Variants in PPP5C observed in about 807,000 individuals in gnomAD.
PPP5C encodes serine/threonine-protein phosphatase 5.
PPP5C carries 21 observed loss-of-function variants against 66.7 expected under a neutral mutation model. The observed-to-expected ratio is 0.31, with a 90% CI of 0.22 to 0.45. The LOEUF (loss-of-function observed/expected upper bound fraction) is 0.45. PPP5C is among the 20% of genes least tolerant of loss of function. PPP5C has a pLI of 1.00. For missense variants in PPP5C, 464 were observed against 675.9 expected, an observed-to-expected ratio of 0.69 and a Z score of 3.48; for synonymous variants, 246 against 257.4, an observed-to-expected ratio of 0.96 and a Z score of 0.43.
intron 4 of PPP5C, chr19:46,382,972 C>T (rs543087697): frequency 8.9e-5 from 96 of 1,072,990 alleles, no homozygotes; most frequent in African/African-American, 2.8e-4. Context: ...AAAAATTCAG[C>T]GTCCGTTGAA....
In PPP5C at chr19:46,383,379, GC is replaced by G; in HGVS notation, c.634-30del. The G allele has an allele frequency of 6.2e-7, 1 of 1,602,496 alleles. No individual in the cohort carries two copies. The highest frequency in any genetic ancestry group is 1.1e-5 in the South Asian group (1 of 88,682). On this transcript the variant is annotated intron_variant, in intron 4 of 12. Coordinates refer to ENST00000012443, the MANE Select transcript of PPP5C (RefSeq NM_006247.4). This position sits in a 1 kb window ranked among gnomAD's most constrained non-coding sequence, Gnocchi z 5.0. ...GCCAGGTTGGGCAGCAGCCCCTGCA[GC>G]CGGTCCCACTGAGTCTGCCCTGCCT... is the stretch of plus-strand genomic sequence containing the variant.
rs774915583 is a variant in PPP5C, at chr19:46,388,392, C to T, written c.1136-16C>T. 8 of 1,607,630 alleles carry T rather than the reference C, an allele frequency of 5.0e-6. No individual in the cohort carries two copies. Among genetic ancestry groups the T allele is most frequent in the East Asian group, 2.2e-5 (1 of 44,712 alleles). ...GAGGTGGACGAGTCCCTAATGTTTC[C>T]CTCGCTCCCCACCAGGGCCCATGTG... On this transcript the variant is annotated splice_polypyrimidine_tract_variant and intron_variant, in intron 9 of 12. Transcript: ENST00000012443. This position sits in a 1 kb window ranked among gnomAD's most constrained non-coding sequence, Gnocchi z 4.9.
chr19:46,390,500 G>C lies in PPP5C; in HGVS notation c.*154G>C, dbSNP rs921594290. The C allele has an allele frequency of 7.1e-5, 105 of 1,476,170 alleles. No individual in the cohort carries two copies. The African/African-American group carries it at 1.2e-3, about 16-fold the overall frequency. The allele number at this position is 1,476,170 out of a possible 1,614,324, so 91.4% of individuals were successfully genotyped here. On this transcript the variant is annotated 3_prime_UTR_variant, in exon 13 of 13. Transcript: ENST00000012443. ...TTTATTCCCCTTTAGGTTTGCAGAG[G>C]GGGTAGGGGCAGAGTCAGGGGCTGG...
rs1972820958 is a variant in PPP5C at position 46,383,081 on chromosome 19, G to T, written c.634-330G>T. On this transcript the variant is annotated intron_variant, in intron 4 of 12. Coordinates refer to ENST00000012443, the MANE Select transcript of PPP5C (RefSeq NM_006247.4). This position sits in a 1 kb window ranked among gnomAD's most constrained non-coding sequence, Gnocchi z 5.0. Reference sequence around the variant, plus strand: ...TCTTTTATGACAGTGACATTGCGCTGTGTCCAGGCCAGTTCTTTTATAAAA... The same window carrying T: ...TCTTTTATGACAGTGACATTGCGCTTTGTCCAGGCCAGTTCTTTTATAAAA... The T allele has an allele frequency of 8.7e-7, 1 of 1,151,184 alleles. No individual in the cohort carries two copies. Among genetic ancestry groups the T allele is most frequent in the African/African-American group, 1.6e-5 (1 of 62,390 alleles). 71.3% of individuals were successfully genotyped at this position (1,151,184 alleles called of 1,614,324 possible). A position where few individuals can be genotyped will look rare whatever the true frequency, so the allele number is the denominator to read the frequency against.
rs549830558 is a variant in PPP5C at position 46,383,227 on chromosome 19, A to T, written c.634-184A>T. ...GCTTCGGCACTGCACAGGCCACAGAAGCCTGCGGCTGCCTCCGGCCCCGCC... is the reference window on the plus strand; with the variant it reads ...GCTTCGGCACTGCACAGGCCACAGATGCCTGCGGCTGCCTCCGGCCCCGCC... On this transcript the variant is annotated intron_variant, in intron 4 of 12. Coordinates refer to ENST00000012443, the MANE Select transcript of PPP5C (RefSeq NM_006247.4). This position sits in a 1 kb window ranked among gnomAD's most constrained non-coding sequence, Gnocchi z 5.0. 2 of 1,537,860 alleles carry T rather than the reference A, an allele frequency of 1.3e-6. No individual in the cohort carries two copies. Among genetic ancestry groups the T allele is most frequent in the East Asian group, 4.9e-5 (2 of 40,772 alleles).
At chr19:46,361,168 C>T (rs1489179432) in intron 2 of PPP5C, among the ~76,000 whole-genome samples, 5 of 132,106 alleles carry the variant, frequency 3.8e-5, no homozygotes, top group East Asian at 2.4e-4. Context: ...CTCACTCTGT[C>T]GCCCAGGCTG....
At chr19:46,355,201 C>T (rs983487522) in intron 2 of PPP5C, among the ~76,000 whole-genome samples, 7 of 152,212 alleles carry the variant, frequency 4.6e-5, no homozygotes, top group African/African-American at 1.4e-4. Context: ...GAGACGGGGC[C>T]GTGCGCTTGT....
At chr19:46,387,288 C>T (rs1384520735) in intron 8 of PPP5C, 53 bp downstream of exon 8, 4 of 1,612,942 alleles carry the variant, frequency 2.5e-6, no homozygotes, top group South Asian at 1.1e-5. Context: ...CACACCTGGG[C>T]AGATGTGCTG....
At chr19:46,360,441 CA>C (rs1292488486) in intron 2 of PPP5C, among the ~76,000 whole-genome samples, 1 of 151,808 alleles carries the variant, frequency 6.6e-6, no homozygotes. Context: ...AGTTCGAGGT[CA>C]AAAAGACTTA....
In PPP5C at chr19:46,353,878, C is replaced by T. The variant is rs146403367; in HGVS notation, c.252C>T (p.Asp84=). The T allele has an allele frequency of 2.6e-5, 42 of 1,607,070 alleles. No homozygotes were observed. Among genetic ancestry groups the T allele is most frequent in the South Asian group, 8.9e-5 (8 of 90,002 alleles). Residue 84 remains aspartate (D), a synonymous_variant, in exon 2 of 13, where the codon GAC becomes GAT. Transcript: ENST00000012443. ...AGTGCTATGGCTACGCGCTGGGAGA[C>T]GCCACGCGGGCCATTGAGCTGGACA... ...RTECYGYALG[D]ATRAIELDKK... is the part of the protein sequence containing the mutation.
intron 2 of PPP5C, among the ~76,000 whole-genome samples, chr19:46,373,474 G>A (rs1384182574): frequency 6.6e-6 from 1 of 152,246 alleles, no homozygotes; most frequent in African/African-American, 2.4e-5. Context: ...AAGTGCTCTA[G>A]AAGTGAGCTG....
In PPP5C at chr19:46,354,532, G is replaced by A. The variant is rs527627386; in HGVS notation, c.363+543G>A. ...AGGGCAGTCGGGCACAGTGGCTCAC[G>A]GCAGTAATCCCAGCACTTTGGGAGG... is the stretch of plus-strand genomic sequence containing the variant. On this transcript the variant is annotated intron_variant, in intron 2 of 12. Transcript: ENST00000012443. 1.6e-3 allele frequency among the ~76,000 whole-genome samples: 236 copies of A among 152,252 alleles called. 2 individuals carry two copies. Among genetic ancestry groups the A allele is most frequent in the Non-Finnish European group, 2.8e-3 (190 of 68,010 alleles).
At chr19:46,349,335 T>G (rs904792158) in intron 1 of PPP5C, among the ~76,000 whole-genome samples, 1 of 151,344 alleles carries the variant, frequency 6.6e-6, no homozygotes, top group African/African-American at 2.4e-5. Flanking sequence ...AAGATGGATT[T>G]TTTGTAAGGA....
chr19:46,371,765 G>A (rs1972597290), intron 2 of PPP5C, among the ~76,000 whole-genome samples: 1 of 152,206 alleles, frequency 6.6e-6, no homozygotes, highest in African/African-American at 2.4e-5. Flanking sequence ...GTCACTAGCA[G>A]CGGCATTTCC....
At position 46,383,982 on chromosome 19, in the gene PPP5C, TGGAAA is replaced by T. The variant is rs2147400158; in HGVS notation, c.798+108_798+112del. On this transcript the variant is annotated intron_variant, in intron 6 of 12. Transcript: ENST00000012443. The surrounding 1 kb of genome is among the most constrained non-coding windows in gnomAD (Gnocchi z 5.0). Reference sequence around the variant, plus strand: ...CCCTTGCCAGGAAAAGACGTGACCTTGGAAAGGAGAGGCCTGGCCATGCTGGGGCA... The same window carrying T: ...CCCTTGCCAGGAAAAGACGTGACCTTGGAGAGGCCTGGCCATGCTGGGGCA... 1 of 1,000,692 alleles carries T rather than the reference TGGAAA, an allele frequency of 1.0e-6. No homozygotes were observed. The highest frequency in any genetic ancestry group is 2.4e-5 in the East Asian group (1 of 41,746). 62.0% of individuals were successfully genotyped at this position (1,000,692 alleles called of 1,614,324 possible).
Position 46,376,464 on chromosome 19 carries a change from G to A in PPP5C, c.523G>A (p.Glu175Lys). The A allele has an allele frequency of 1.2e-6, 2 of 1,613,736 alleles. No individual in the cohort carries two copies. Among genetic ancestry groups the A allele is most frequent in the Non-Finnish European group, 1.7e-6 (2 of 1,179,782 alleles). ...TGTTCACACCCTAGCCATTGAGGAT[G>A]AGTACAGCGGACCCAAGCTTGAAGA... ...LDIESMTIED[E>K]YSGPKLEDGK... The change falls in exon 4 of 13, where the codon GAG becomes AAG. Residue 175 changes from glutamate to lysine, a missense_variant. Transcript: ENST00000012443. The surrounding 1 kb of genome is among the most constrained non-coding windows in gnomAD (Gnocchi z 5.1).
At chr19:46,362,688 C>T (rs12609254) in intron 2 of PPP5C, among the ~76,000 whole-genome samples, 18,323 of 151,982 alleles carry the variant, frequency 0.12, 1,654 homozygotes, top group East Asian at 0.39. Flanking sequence ...TATTATTGTA[C>T]GTTAGGCAAG....
intron 2 of PPP5C, among the ~76,000 whole-genome samples, chr19:46,363,116 G>A (rs527427676): frequency 3.2e-4 from 47 of 148,100 alleles, no homozygotes; most frequent in African/African-American, 1.2e-3. Flanking sequence ...AAACCATCCC[G>A]GCTAAAACGG....
chr19:46,378,406 T>G (rs1430974049), intron 4 of PPP5C, among the ~76,000 whole-genome samples: 1 of 152,216 alleles, frequency 6.6e-6, no homozygotes, highest in Non-Finnish European at 1.5e-5. Flanking sequence ...ACATGCAGTA[T>G]GTACTGGAAA....
Sources: gnomAD v4.1 joint callset for allele counts (sites outside exome capture counted in the v4.1 genomes callset) on GRCh38, gnomAD v4.1.1 for gene constraint, Gnocchi (gnomAD v3.1) non-coding constraint, MANE v1.5 for transcripts, NCBI Gene and HGNC (gene_info 2026-07-23, HGNC 2026-07-21) for gene names.